The following ATP6V0A4 variants were observed in gnomAD, a reference collection of about 807,000 sequenced individuals.
The protein encoded by ATP6V0A4 is V-type proton ATPase 116 kDa subunit a 4.
A neutral mutation model predicts 107.3 loss-of-function variants in ATP6V0A4; 86 were observed. The observed-to-expected ratio is 0.80, with a 90% CI of 0.67 to 0.96. The LOEUF (loss-of-function observed/expected upper bound fraction) is 0.96. Ranked by LOEUF, ATP6V0A4 falls within the 40% of genes least tolerant of loss-of-function variation. ATP6V0A4 has a pLI of 0.00. For missense variants in ATP6V0A4, 908 were observed against 1,045.6 expected (o/e 0.87, Z 1.81); for synonymous variants, 353 against 381.4 (o/e 0.93, Z 0.87).
At position 138,749,153 on chromosome 7, in the gene ATP6V0A4, C is replaced by T; in HGVS notation, c.1180+14G>A. The T allele has an allele frequency of 6.2e-7, 1 of 1,613,872 alleles. No homozygotes were observed. The highest frequency in any genetic ancestry group is 8.5e-7 in the Non-Finnish European group (1 of 1,179,948). On this transcript the variant is annotated intron_variant, in intron 12 of 21. Coordinates refer to ENST00000310018, the MANE Select transcript of ATP6V0A4 (RefSeq NM_020632.3). ...TTTCAAGCTACCCAGTCGTGCAGTT[C>T]ATCAGATCTTTACCTGGGTTTATCT...
At chr7:138,769,379 A>T in intron 3 of ATP6V0A4, 128 bp from the exon 4 acceptor site, 1 of 1,400,272 alleles carries the variant, frequency 7.1e-7, no homozygotes, top group Non-Finnish European at 9.5e-7. Flanking sequence ...CAATGGCGCG[A>T]TCTCAGCTCA....
chr7:138,758,406 A>C (rs1387157267), intron 8 of ATP6V0A4, among the ~76,000 whole-genome samples: 1 of 152,146 alleles, frequency 6.6e-6, no homozygotes, highest in African/African-American at 2.4e-5. Flanking sequence ...TTTAAATTTC[A>C]CTTATTTTAA....
intron 1 of ATP6V0A4, 24 bp from the exon 2 acceptor site, chr7:138,786,284 T>C (rs755455722): frequency 1.3e-5 from 2 of 152,120 alleles, no homozygotes; most frequent in African/African-American, 2.4e-5. Context: ...AGTTTTATCA[T>C]AAAGAGAACA....
At chr7:138,765,658 C>CA in intron 5 of ATP6V0A4, among the ~76,000 whole-genome samples, 1 of 152,318 alleles carries the variant, frequency 6.6e-6, no homozygotes, top group African/African-American at 2.4e-5. Flanking sequence ...CAGGATTAGT[C>CA]AAATCAATCA....
intron 19 of ATP6V0A4, among the ~76,000 whole-genome samples, chr7:138,720,037 C>A (rs994932237): frequency 1.6e-4 from 24 of 147,298 alleles, no homozygotes; most frequent in African/African-American, 2.5e-4. Context: ...AAAAAAAAAA[C>A]AAAAACAACT....
intron 8 of ATP6V0A4, among the ~76,000 whole-genome samples, chr7:138,759,052 ATTTTTTT>A (rs33940158): frequency 1.8e-4 from 10 of 54,570 alleles, no homozygotes; most frequent in Admixed American, 6.2e-4. Flanking sequence ...TGCCCAGCCT[ATTTTTTT>A]TTTTTTTTTT....
At chr7:138,762,012 C>G (rs763174831) in intron 7 of ATP6V0A4, among the ~76,000 whole-genome samples, 1 of 152,132 alleles carries the variant, frequency 6.6e-6, no homozygotes, top group Admixed American at 6.6e-5. Flanking sequence ...AAAGGAAAAA[C>G]ATAAGTCCCC....
At chr7:138,772,416 T>C (rs944984171) in intron 2 of ATP6V0A4, among the ~76,000 whole-genome samples, 1 of 152,118 alleles carries the variant, frequency 6.6e-6, no homozygotes, top group Admixed American at 6.6e-5. Flanking sequence ...ATAAAATAAA[T>C]CTGTATGTCC....
chr7:138,745,985 T>G (rs1234182230), intron 13 of ATP6V0A4, among the ~76,000 whole-genome samples: 1 of 103,346 alleles, frequency 9.7e-6, no homozygotes, highest in African/African-American at 3.9e-5. Context: ...ATATAAAATA[T>G]ATATTATAAA....
chr7:138,724,903 A>G (rs1052305210), intron 18 of ATP6V0A4, among the ~76,000 whole-genome samples: 1 of 152,174 alleles, frequency 6.6e-6, no homozygotes, highest in Non-Finnish European at 1.5e-5. Context: ...CTAAAATCGC[A>G]CAATGCTTAA....
intron 2 of ATP6V0A4, among the ~76,000 whole-genome samples, chr7:138,785,475 C>T (rs1235180528): frequency 6.6e-6 from 1 of 151,904 alleles, no homozygotes; most frequent in African/African-American, 2.4e-5. Context: ...CAGGGTTTCA[C>T]CATGTTGGCC....
chr7:138,759,676 T>G, intron 8 of ATP6V0A4, 76 bp downstream of exon 8: 1 of 1,486,228 alleles, frequency 6.7e-7, no homozygotes, highest in Non-Finnish European at 9.4e-7. Flanking sequence ...ATCCCCCATG[T>G]TTTGGGAGAA....
At chr7:138,747,788 T>C (rs1484614435) in intron 12 of ATP6V0A4, 2 of 578,956 alleles carry the variant, frequency 3.5e-6, no homozygotes, top group Non-Finnish European at 5.7e-6. Context: ...TGGGTCTCGC[T>C]CTGTCACCCA....
At chr7:138,730,301 A>G (rs1396554211) in intron 17 of ATP6V0A4, among the ~76,000 whole-genome samples, 2 of 151,612 alleles carry the variant, frequency 1.3e-5, no homozygotes, top group South Asian at 2.1e-4. Context: ...ATTTTTATGC[A>G]ACAGGATTTT....
At chr7:138,752,928 C>T in intron 10 of ATP6V0A4, 91 bp from the exon 11 acceptor site, 2 of 1,558,658 alleles carry the variant, frequency 1.3e-6, no homozygotes, top group East Asian at 2.4e-5. Flanking sequence ...GCCACAGCAG[C>T]TTCCTCTGCT....
intron 2 of ATP6V0A4, among the ~76,000 whole-genome samples, chr7:138,775,482 C>A (rs1807615444): frequency 6.6e-6 from 1 of 151,852 alleles, no homozygotes; most frequent in Admixed American, 6.6e-5. Flanking sequence ...CTGTGATTTG[C>A]ATTTTTTTTT....
rs759989816 is a variant in ATP6V0A4 at position 138,728,843 on chromosome 7, A to C, written c.1928T>G (p.Phe643Cys). The change falls in exon 18 of 22, where the codon TTT becomes TGT. Residue 643 changes from phenylalanine (F) to cysteine (C), a missense_variant. Physicochemically the swap from Phe to Cys is radical, Grantham distance 205 (BLOSUM62 -2). Coordinates refer to ENST00000310018, the MANE Select transcript of ATP6V0A4 (RefSeq NM_020632.3). The stretch of plus-strand genomic sequence containing the variant: ...CACAGAAATCAAAGCCATAACCACA[A>C]AGAAACTTTGGACTTCTTGCTGCAA... The part of the protein sequence containing the change: ...YKHQQEVQSF[F>C]VVMALISVPW... 1 of 1,614,056 alleles carries C rather than the reference A, an allele frequency of 6.2e-7. No homozygotes were observed. Among genetic ancestry groups the C allele is most frequent in the Non-Finnish European group, 8.5e-7 (1 of 1,180,038 alleles).
At chr7:138,774,304 C>T (rs1038015209) in intron 2 of ATP6V0A4, among the ~76,000 whole-genome samples, 19 of 152,018 alleles carry the variant, frequency 1.2e-4, no homozygotes, top group Non-Finnish European at 1.8e-4. Context: ...GGGGGCCGGG[C>T]GCCGTGGCTC....
In ATP6V0A4 at chr7:138,744,907, C is replaced by T. The variant is rs1456129305; in HGVS notation, c.1478+216G>A. Among the ~76,000 whole-genome samples, 5 of 150,738 alleles carry T rather than the reference C, an allele frequency of 3.3e-5. No homozygotes were observed. In the South Asian group the frequency reaches 6.3e-4, roughly 19 times the overall value. The stretch of plus-strand genomic sequence containing the variant: ...TAGTGGAGACCAGGTTTCACCATGT[C>T]GGCCAGGCTGGTCTCGAACTCCTAA... On this transcript the variant is annotated intron_variant, in intron 14 of 21. Coordinates refer to ENST00000310018, the MANE Select transcript of ATP6V0A4 (RefSeq NM_020632.3).
Sources: gnomAD v4.1 joint callset for allele counts (sites outside exome capture counted in the v4.1 genomes callset) on GRCh38, gnomAD v4.1.1 for gene constraint, MANE v1.5 for transcripts, NCBI Gene and HGNC (gene_info 2026-07-23, HGNC 2026-07-21) for gene names.